The following INSR variants were observed in gnomAD, a reference collection of about 807,000 sequenced individuals.
INSR encodes the protein insulin receptor, also known as IR.
INSR carries 67 observed loss-of-function variants against 142.6 expected under a neutral mutation model. The observed-to-expected ratio is 0.47, with a 90% CI of 0.39 to 0.58. The LOEUF (loss-of-function observed/expected upper bound fraction) is 0.58. INSR is among the 20% of genes least tolerant of loss of function. INSR has a pLI of 0.00. For missense variants in INSR, 1,248 were observed against 1,833.2 expected, an observed-to-expected ratio of 0.68 and a Z score of 5.83; for synonymous variants, 756 against 743.1, an observed-to-expected ratio of 1.02 and a Z score of -0.28.
chr19:7,138,799 C>T (rs1973000324), intron 13 of INSR, among the ~76,000 whole-genome samples: 1 of 152,146 alleles, frequency 6.6e-6, no homozygotes, highest in Non-Finnish European at 1.5e-5. Context: ...AAATCTTATG[C>T]ATAGAGCTTT....
Position 7,168,066 on chromosome 19 carries a change from G to C in INSR, c.1512C>G (p.Tyr504Ter), listed in dbSNP as rs753268763. Residue 504 changes from tyrosine to a stop codon, truncating the protein, a stop_gained, in exon 7 of 22, where the codon TAC becomes TAG. Coordinates refer to ENST00000302850, the MANE Select transcript of INSR (RefSeq NM_000208.4). LOFTEE classifies it high-confidence loss of function. This position sits in a 1 kb window ranked among gnomAD's most constrained non-coding sequence, Gnocchi z 4.3. The stretch of plus-strand genomic sequence containing the variant: ...AGATCTTGTCAAAAGATGTCCGAAT[G>C]TAAGAAAATTTAAGTAACTCATTTT... ...SCENELLKFSYIRTSFDKILL... is the reference protein window; with the variant it reads ...SCENELLKFS 6.2e-7 allele frequency: 1 copy of C among 1,614,022 alleles called. No individual in the cohort carries two copies. The highest frequency in any genetic ancestry group is 8.5e-7 in the Non-Finnish European group (1 of 1,179,916).
intron 1 of INSR, among the ~76,000 whole-genome samples, 189 bp from the exon 2 acceptor site, chr19:7,268,085 T>C (rs1967795552): frequency 6.6e-6 from 1 of 152,060 alleles, no homozygotes; most frequent in Non-Finnish European, 1.5e-5. Context: ...GCCTAAGTAA[T>C]TACTTTCAAA....
In INSR at chr19:7,116,766, G is replaced by A. The variant is rs1182810062; in HGVS notation, c.*290C>T. On this transcript the variant is annotated 3_prime_UTR_variant, in exon 22 of 22. Transcript: ENST00000302850. ...CTTTCTTTCCATCTGCTGGGGGCGGGTGGGGGGAACGAAAAAACACAAAAT... is the reference window on the plus strand; with the variant it reads ...CTTTCTTTCCATCTGCTGGGGGCGGATGGGGGGAACGAAAAAACACAAAAT... 1.2e-5 allele frequency: 3 copies of A among 241,480 alleles called. No homozygotes were observed. The highest frequency in any genetic ancestry group is 1.7e-4 in the Admixed American group (2 of 11,898). 15.0% of individuals were successfully genotyped at this position (241,480 alleles called of 1,614,324 possible).
chr19:7,228,889 C>T (rs1975864683), intron 2 of INSR, among the ~76,000 whole-genome samples: 1 of 150,436 alleles, frequency 6.6e-6, no homozygotes, highest in African/African-American at 2.5e-5. Context: ...TGGATGTATG[C>T]ATGGGTGGAT....
Position 7,184,462 on chromosome 19 carries a change from C to A in INSR, c.828G>T (p.Gln276His). 4 of 1,614,076 alleles carry A rather than the reference C, an allele frequency of 2.5e-6. No individual in the cohort carries two copies. The highest frequency in any genetic ancestry group is 3.4e-6 in the Non-Finnish European group (4 of 1,180,024). Residue 276 changes from glutamine (Q) to histidine (H), a missense_variant, in exon 3 of 22, where the codon CAG becomes CAT. By Grantham distance (24) the Gln-to-His change is conservative (BLOSUM62 0). This residue lies in a region of INSR where 1,069 missense variants were observed against 1,654.0 expected (regional missense o/e 0.65). Coordinates refer to ENST00000302850, the MANE Select transcript of INSR (RefSeq NM_000208.4). ...ETCPPPYYHFQDWRCVNFSFC... is the reference protein window; with the variant it reads ...ETCPPPYYHFHDWRCVNFSFC... ...AGCTGAAGTTCACACAGCGCCAGTC[C>A]TGGAAGTGGTAGTACGGGGGCGGGC...
At chr19:7,234,792 G>A (rs1976105863) in intron 2 of INSR, among the ~76,000 whole-genome samples, 1 of 152,126 alleles carries the variant, frequency 6.6e-6, no homozygotes, top group African/African-American at 2.4e-5. Flanking sequence ...CGGCGCAGTG[G>A]CTCATGCCTG....
chr19:7,196,577 C>T (rs1599987813), intron 2 of INSR, among the ~76,000 whole-genome samples: 2 of 152,172 alleles, frequency 1.3e-5, no homozygotes, highest in Admixed American at 6.5e-5. Flanking sequence ...GTTTGCCTCC[C>T]TTTTAAAGTT....
intron 9 of INSR, among the ~76,000 whole-genome samples, chr19:7,153,201 A>ACCC (rs1973460113): frequency 3.7e-5 from 3 of 81,032 alleles, no homozygotes; most frequent in Non-Finnish European, 8.9e-5. Flanking sequence ...CACACACCAC[A>ACCC]CACACCACAC....
In INSR at chr19:7,116,761, G is replaced by A. The variant is rs1044508758; in HGVS notation, c.*295C>T. The A allele has an allele frequency of 4.8e-5, 11 of 227,386 alleles. No individual in the cohort carries two copies. The highest frequency in any genetic ancestry group is 8.1e-5 in the Non-Finnish European group (10 of 123,842). 14.1% of individuals were successfully genotyped at this position (227,386 alleles called of 1,614,324 possible). ...AGGTGCTTTCTTTCCATCTGCTGGGGGCGGGTGGGGGGAACGAAAAAACAC... is the reference window on the plus strand; with the variant it reads ...AGGTGCTTTCTTTCCATCTGCTGGGAGCGGGTGGGGGGAACGAAAAAACAC... On this transcript the variant is annotated 3_prime_UTR_variant, in exon 22 of 22. Coordinates refer to ENST00000302850, the MANE Select transcript of INSR (RefSeq NM_000208.4).
intron 11 of INSR, among the ~76,000 whole-genome samples, chr19:7,149,559 C>G (rs1037356218): frequency 6.6e-6 from 1 of 152,118 alleles, no homozygotes; most frequent in Non-Finnish European, 1.5e-5. Context: ...CGGTGGCTCA[C>G]GCCTGTAATT....
intron 2 of INSR, among the ~76,000 whole-genome samples, chr19:7,221,378 AAGG>A (rs71177175): frequency 0.4 from 55,872 of 139,922 alleles, 11,737 homozygotes; most frequent in South Asian, 0.56. Flanking sequence ...TGTCAAAAAA[AAGG>A]AGGAGGAGGA....
intron 2 of INSR, among the ~76,000 whole-genome samples, chr19:7,248,172 G>T (rs1171208313): frequency 6.6e-6 from 1 of 150,402 alleles, no homozygotes; most frequent in Non-Finnish European, 1.5e-5. Context: ...TGGAGACAGG[G>T]TCTCGCTCTG....
intron 2 of INSR, among the ~76,000 whole-genome samples, chr19:7,232,487 C>T (rs1352996917): frequency 6.6e-6 from 1 of 152,208 alleles, no homozygotes; most frequent in East Asian, 1.9e-4. Context: ...AGCCACTGCA[C>T]CCCGGCCATG....
intron 2 of INSR, among the ~76,000 whole-genome samples, chr19:7,250,294 AAGGGG>A (rs1021646902): frequency 6.8e-5 from 9 of 132,790 alleles, no homozygotes; most frequent in South Asian, 3.0e-4. Context: ...GGAGGAGAAG[AAGGGG>A]AGGGGAGGGG....
At chr19:7,146,272 G>A (rs1030560957) in intron 11 of INSR, among the ~76,000 whole-genome samples, 6 of 122,742 alleles carry the variant, frequency 4.9e-5, no homozygotes, top group East Asian at 2.2e-4. Context: ...ACAGAGTTTT[G>A]CTCTGTTGCC....
At chr19:7,268,378 T>C (rs1284660148) in intron 1 of INSR, 1 of 957,718 alleles carries the variant, frequency 1.0e-6, no homozygotes, top group Admixed American at 6.2e-5. Flanking sequence ...CGGACTGCTC[T>C]CCTGACCTGC....
chr19:7,281,625 G>A (rs554015074), intron 1 of INSR, among the ~76,000 whole-genome samples: 3 of 152,110 alleles, frequency 2.0e-5, no homozygotes, highest in Non-Finnish European at 2.9e-5. Flanking sequence ...GGGCTGCAAT[G>A]AGCCATAATC....
chr19:7,176,322 C>T lies in INSR; in HGVS notation c.975-1591G>A, dbSNP rs114317922. 4.5e-3 allele frequency among the ~76,000 whole-genome samples: 690 copies of T among 152,270 alleles called. 5 individuals are homozygous for T. The highest frequency in any genetic ancestry group is 0.016 in the African/African-American group (658 of 41,558). On this transcript the variant is annotated intron_variant, in intron 3 of 21. Transcript: ENST00000302850. ...TTGTTTAAAAGTATGTAGCACCAGCCGGGCATGGTGGCTCATGCCTGTAAT... is the reference window on the plus strand; with the variant it reads ...TTGTTTAAAAGTATGTAGCACCAGCTGGGCATGGTGGCTCATGCCTGTAAT...
intron 12 of INSR, among the ~76,000 whole-genome samples, chr19:7,142,346 C>T (rs368097488): frequency 1.2e-3 from 167 of 134,474 alleles, no homozygotes; most frequent in East Asian, 9.7e-3. Context: ...GCCAAGATTG[C>T]GCCATTGTAC....
Sources: gnomAD v4.1 joint callset for allele counts (sites outside exome capture counted in the v4.1 genomes callset) on GRCh38, gnomAD v4.1.1 for gene constraint, gnomAD v4.1.1 regional missense constraint, Gnocchi (gnomAD v3.1) non-coding constraint, MANE v1.5 for transcripts, NCBI Gene and HGNC (gene_info 2026-07-23, HGNC 2026-07-21) for gene names.